Variants in CHRNA3 observed in about 807,000 individuals in gnomAD.
The protein encoded by CHRNA3 is cholinergic receptor nicotinic alpha 3 subunit.
A neutral mutation model predicts 41.9 loss-of-function variants in CHRNA3; 34 were observed. The ratio of observed to expected loss-of-function variants is 0.81; its 90% CI spans 0.62 to 1.08. The LOEUF is 1.08. CHRNA3 is among the 50% of genes least tolerant of loss of function. The pLI is 0.00. For synonymous variants in CHRNA3, 281 were observed against 265.2 expected (o/e 1.06, Z -0.58); for missense variants, 542 against 638.3 (o/e 0.85, Z 1.63).
rs1385783460 is a variant in CHRNA3, at chr15:78,604,850, T to TA, written c.378-2587dup. On this transcript the variant is annotated intron_variant, in intron 4 of 5. Transcript: ENST00000326828. ...CAACATGACAAAACCCCATCTCTAC[T>TA]AAAAATACAAAAATTAGCCAGGTGT... Among the ~76,000 whole-genome samples, 4 of 152,058 alleles carry TA rather than the reference T, an allele frequency of 2.6e-5. No homozygotes were observed. In the East Asian group the frequency reaches 7.7e-4, roughly 29 times the overall value.
At position 78,599,976 on chromosome 15, in the gene CHRNA3, T is replaced by C. The variant is rs1295567818; in HGVS notation, c.1389+1277A>G. ...AGGTTGCAGTAGGCAGAGATTGTACTACTGCACTCCATTCTGGGTGACAGA... is the reference window on the plus strand; with the variant it reads ...AGGTTGCAGTAGGCAGAGATTGTACCACTGCACTCCATTCTGGGTGACAGA... On this transcript the variant is annotated intron_variant, in intron 5 of 5. Coordinates refer to ENST00000326828, the MANE Select transcript of CHRNA3 (RefSeq NM_000743.5). The C allele has an allele frequency of 4.2e-5, 6 of 141,778 alleles. No individual in the cohort carries two copies. The Admixed American group carries it at 4.4e-4, about 10-fold the overall frequency. The allele number at this position is 141,778 out of a possible 1,614,324, so 8.8% of individuals were successfully genotyped here.
intron 5 of CHRNA3, among the ~76,000 whole-genome samples, chr15:78,598,078 G>T (rs1295766625): frequency 6.6e-6 from 1 of 152,154 alleles, no homozygotes; most frequent in African/African-American, 2.4e-5. Context: ...GGCTCTAGGA[G>T]GCAGAGGTGT....
intron 4 of CHRNA3, among the ~76,000 whole-genome samples, chr15:78,615,271 G>C (rs2053443747): frequency 6.6e-6 from 1 of 152,194 alleles, no homozygotes; most frequent in Admixed American, 6.5e-5. Flanking sequence ...GGCCTGCAGG[G>C]TACACCGTGT....
At chr15:78,610,029 A>G (rs1445392340) in intron 4 of CHRNA3, among the ~76,000 whole-genome samples, 2 of 152,236 alleles carry the variant, frequency 1.3e-5, no homozygotes, top group Non-Finnish European at 1.5e-5. Flanking sequence ...AGAGCTAACT[A>G]TCCTAAATAT....
chr15:78,620,784 C>T lies in CHRNA3; in HGVS notation c.11G>A (p.Gly4Asp). 1.4e-6 allele frequency: 2 copies of T among 1,477,294 alleles called. No homozygotes were observed. The highest frequency in any genetic ancestry group is 1.3e-5 in the South Asian group (1 of 78,498). 91.5% of individuals were successfully genotyped at this position (1,477,294 alleles called of 1,614,324 possible). The change falls in exon 1 of 6, where the codon GGC becomes GAC. Residue 4 changes from glycine to aspartate, a missense_variant. Gly to Asp is a moderately conservative substitution (Grantham distance 94). Coordinates refer to ENST00000326828, the MANE Select transcript of CHRNA3 (RefSeq NM_000743.5). Reference sequence around the variant, plus strand: ...CAGCGCCAGGGGCAGCGAGAGCGGGCCAGAGCCCATGGCTGGTGGCCGGGC... The same window carrying T: ...CAGCGCCAGGGGCAGCGAGAGCGGGTCAGAGCCCATGGCTGGTGGCCGGGC... MGS[G>D]PLSLPLALSP...
At chr15:78,597,062 A>C (rs1458980043) in intron 5 of CHRNA3, among the ~76,000 whole-genome samples, 1 of 152,214 alleles carries the variant, frequency 6.6e-6, no homozygotes, top group Non-Finnish European at 1.5e-5. Context: ...CCATGGCAGG[A>C]TTCTGGGCCT....
rs373218818 is a variant in CHRNA3 at position 78,602,082 on chromosome 15, A to G, written c.560T>C (p.Ile187Thr). The change falls in exon 5 of 6, where the codon ATC (isoleucine) becomes ACC (threonine). Residue 187 changes from isoleucine (I) to threonine (T), a missense_variant. Physicochemically the swap from Ile to Thr is moderately conservative, Grantham distance 89 (BLOSUM62 -1). Transcript: ENST00000326828. ...FGSWSYDKAK[I>T]DLVLIGSSMN... is the part of the protein sequence containing the mutation. ...GGAAGAGCCGATCAGGACCAGATCG[A>G]TTTTCGCCTTATCGTAGGACCAGGA... 130 of 1,613,946 alleles carry G rather than the reference A, an allele frequency of 8.1e-5. No individual in the cohort carries two copies. The highest frequency in any genetic ancestry group is 1.1e-4 in the Non-Finnish European group (125 of 1,180,002).
intron 4 of CHRNA3, among the ~76,000 whole-genome samples, chr15:78,604,789 G>C (rs1470133094): frequency 6.6e-6 from 1 of 152,160 alleles, no homozygotes; most frequent in African/African-American, 2.4e-5. Flanking sequence ...GAGGCGGGCA[G>C]ATCACCTGAG....
In CHRNA3 at chr15:78,599,471, G is replaced by T. The variant is rs28526051; in HGVS notation, c.1389+1782C>A. Among the ~76,000 whole-genome samples the T allele has an allele frequency of 4.4e-3, 667 of 151,824 alleles. 6 individuals are homozygous for T. The highest frequency in any genetic ancestry group is 0.015 in the African/African-American group (623 of 41,428). ...TGGCAGGGGGAGGGGCTTGGTGGAG[G>T]GGAGAGCTAGGGAGATCTTTGTTCC... On this transcript the variant is annotated intron_variant, in intron 5 of 5. Transcript: ENST00000326828.
At chr15:78,619,936 C>G (rs8025188) in intron 1 of CHRNA3, 87,808 of 152,220 alleles carry the variant, frequency 0.58, 25,879 homozygotes, top group East Asian at 0.74. Flanking sequence ...CTGAGTAGTG[C>G]AGGCCTCGGC....
intron 1 of CHRNA3, chr15:78,620,030 C>G (rs529366087): frequency 6.5e-6 from 1 of 152,844 alleles, no homozygotes; most frequent in African/African-American, 2.4e-5. Flanking sequence ...GCAGCCTTGC[C>G]CGGTCCCCGA....
chr15:78,610,184 A>G (rs2053360730), intron 4 of CHRNA3, among the ~76,000 whole-genome samples: 1 of 151,714 alleles, frequency 6.6e-6, no homozygotes, highest in Non-Finnish European at 1.5e-5. Context: ...AAAGTTAACA[A>G]CGATACCCAG....
intron 4 of CHRNA3, among the ~76,000 whole-genome samples, chr15:78,615,876 G>T (rs577756193): frequency 3.1e-4 from 47 of 151,280 alleles, no homozygotes; most frequent in Non-Finnish European, 6.5e-4. Flanking sequence ...GAGTAGCTGG[G>T]ATTACAGGCA....
intron 3 of CHRNA3, 21 bp from the exon 4 acceptor site, chr15:78,617,154 G>A (rs745833252): frequency 4.0e-6 from 6 of 1,511,764 alleles, no homozygotes; most frequent in South Asian, 3.4e-5. Context: ...GAAGCAGGGA[G>A]GGAGAAGGAG....
At chr15:78,617,977 T>C (rs1157070626) in intron 3 of CHRNA3, among the ~76,000 whole-genome samples, 1 of 152,212 alleles carries the variant, frequency 6.6e-6, no homozygotes, top group Non-Finnish European at 1.5e-5. Flanking sequence ...CTGTGCACAG[T>C]GGCTTCTGCC....
intron 3 of CHRNA3, among the ~76,000 whole-genome samples, chr15:78,617,768 G>C (rs2053487290): frequency 6.6e-6 from 1 of 152,206 alleles, no homozygotes; most frequent in South Asian, 2.1e-4. Context: ...TGTGTGTGCT[G>C]AGTGCTCAGC....
intron 4 of CHRNA3, among the ~76,000 whole-genome samples, chr15:78,610,459 C>T (rs1369996385): frequency 1.3e-5 from 2 of 152,134 alleles, no homozygotes. Context: ...ACTGAACAAT[C>T]TGCTCCTGAA....
intron 4 of CHRNA3, among the ~76,000 whole-genome samples, chr15:78,604,607 C>A (rs559356495): frequency 1.3e-5 from 2 of 152,326 alleles, no homozygotes; most frequent in South Asian, 4.1e-4. Context: ...ACAGTCATAT[C>A]TCTACTAGCA....
At chr15:78,608,291 A>C (rs567133040) in intron 4 of CHRNA3, among the ~76,000 whole-genome samples, 1 of 152,358 alleles carries the variant, frequency 6.6e-6, no homozygotes, top group Non-Finnish European at 1.5e-5. Flanking sequence ...ACCCCCGAGC[A>C]GCCTAACTGG....
Sources: gnomAD v4.1 joint callset for allele counts (sites outside exome capture counted in the v4.1 genomes callset) on GRCh38, gnomAD v4.1.1 for gene constraint, MANE v1.5 for transcripts, NCBI Gene and HGNC (gene_info 2026-07-23, HGNC 2026-07-21) for gene names.